Variants in MSH6 observed in about 807,000 individuals in gnomAD.
MSH6 encodes DNA mismatch repair protein Msh6.
MSH6 carries 85 observed loss-of-function variants against 119.1 expected under a neutral mutation model. That is an observed-to-expected ratio of 0.71 (90% CI 0.60 to 0.85). The LOEUF is 0.85. Among genes scored for constraint, MSH6 ranks in the 40% least tolerant of loss-of-function variants. The pLI, the probability that MSH6 is intolerant of heterozygous loss-of-function variation, is 0.00. For synonymous variants in MSH6, 830 were observed against 586.9 expected, an observed-to-expected ratio of 1.41 and a Z score of -5.99; for missense variants, 2,163 against 1,655.3, an observed-to-expected ratio of 1.31 and a Z score of -5.32.
chr2:47,808,594 A>G, downstream of MSH6: 4 of 522,570 alleles, frequency 7.7e-6, no homozygotes, highest in Non-Finnish European at 1.3e-5. Context: ...GGAGTAAGTG[A>G]TTTTCCTGTC....
intron 1 of MSH6, among the ~76,000 whole-genome samples, chr2:47,788,246 C>CTTTTTTTTTTTTTTTTT (rs560110301): frequency 1.1e-4 from 10 of 90,052 alleles, no homozygotes; most frequent in African/African-American, 2.4e-4. Context: ...TTCTTTCTTT[C>CTTTTTTTTTTTTTTTTT]TTTTTTTTTT....
In MSH6 at chr2:47,799,142, G is replaced by C. The variant is rs746532720; in HGVS notation, c.1159G>C (p.Asp387His). ...KRRDEHRRRP[D>H]HPDFDASTLY... ...AAGAGATGAGCACAGGAGGAGGCCT[G>C]ATCACCCCGATTTTGATGCATCTAC... The change falls in exon 4 of 10, where the codon GAT becomes CAT. Residue 387 changes from aspartate to histidine, a missense_variant. Transcript: ENST00000234420. 16 of 1,613,698 alleles carry C rather than the reference G, an allele frequency of 9.9e-6. No homozygotes were observed. The South Asian group carries it at 1.8e-4, about 18-fold the overall frequency.
rs748645037 is a variant in MSH6, at chr2:47,795,890, C to T, written c.458-4C>T. The T allele has an allele frequency of 6.2e-7, 1 of 1,613,388 alleles. No homozygotes were observed. On this transcript the variant is annotated splice_polypyrimidine_tract_variant and splice_region_variant and intron_variant, in intron 2 of 9. Coordinates refer to ENST00000234420, the MANE Select transcript of MSH6 (RefSeq NM_000179.3). ...TTATTGTTTATAAATACATTTCTTTCTAGGTTCAAAATCAAAGGAAGCCCA... is the reference window on the plus strand; with the variant it reads ...TTATTGTTTATAAATACATTTCTTTTTAGGTTCAAAATCAAAGGAAGCCCA...
chr2:47,801,368 T>TTTTTG lies in MSH6; in HGVS notation c.3172+217_3172+218insGTTTT, dbSNP rs1558384606. 8.6e-6 allele frequency: 4 copies of TTTTTG among 463,970 alleles called. No individual in the cohort carries two copies. In the African/African-American group the frequency reaches 9.6e-5, roughly 11 times the overall value. The allele number at this position is 463,970 out of a possible 1,614,324, so 28.7% of individuals were successfully genotyped here. On this transcript the variant is annotated intron_variant, in intron 4 of 9. Transcript: ENST00000234420. The stretch of plus-strand genomic sequence containing the variant: ...CCCTTTGGCCTTTCTTCAGTTTTTT[T>TTTTTG]TTTTTTTTTTTTTTTTTTGAGACAT...
In MSH6 at chr2:47,799,253, G is replaced by C. The variant is rs768299607; in HGVS notation, c.1270G>C (p.Val424Leu). The C allele has an allele frequency of 1.9e-6, 3 of 1,613,992 alleles. No individual in the cohort carries two copies. The African/African-American group carries it at 4.0e-5, about 22-fold the overall frequency. ...GATTAAGTCTCAGAACTTTGATCTT[G>C]TCATCTGTTACAAGGTGGGGAAATT... ...WQIKSQNFDL[V>L]ICYKVGKFYE... is the part of the protein sequence containing the mutation. Residue 424 changes from valine (V) to leucine (L), a missense_variant, in exon 4 of 10, where the codon GTC becomes CTC. Coordinates refer to ENST00000234420, the MANE Select transcript of MSH6 (RefSeq NM_000179.3).
chr2:47,790,338 C>T (rs1273473248), intron 1 of MSH6, among the ~76,000 whole-genome samples: 1 of 152,124 alleles, frequency 6.6e-6, no homozygotes, highest in African/African-American at 2.4e-5. Context: ...ACACAAGAAT[C>T]GCTTGAACCG....
chr2:47,803,226 A>G (rs373523935), intron 4 of MSH6, among the ~76,000 whole-genome samples, 194 bp from the exon 5 acceptor site: 5 of 151,996 alleles, frequency 3.3e-5, no homozygotes, highest in African/African-American at 9.7e-5. Context: ...CCTCTGCTCT[A>G]TCTTTTAGCT....
chr2:47,789,441 C>T (rs772162423), intron 1 of MSH6: 10 of 469,852 alleles, frequency 2.1e-5, no homozygotes, highest in Non-Finnish European at 3.9e-5. Flanking sequence ...CACATTTATC[C>T]TGTAAACAAA....
Position 47,783,413 on chromosome 2 carries a change from GGC to G in MSH6, c.185_186del (p.Arg62LeufsTer27), listed in dbSNP as rs775928689. ...AGGCTGGGCCTGGGCCCAGGCCCTTGGCGCGCTCCGCGTCACCGCCCAAGGCG... is the reference window on the plus strand; with the variant it reads ...AGGCTGGGCCTGGGCCCAGGCCCTTGGCGCTCCGCGTCACCGCCCAAGGCG... ...SEAGPGPRPL[A>X]RSASPPKAKN... On this transcript the variant is annotated frameshift_variant, in exon 1 of 10. Coordinates refer to ENST00000234420, the MANE Select transcript of MSH6 (RefSeq NM_000179.3). LOFTEE classifies it high-confidence loss of function. The G allele has an allele frequency of 6.6e-7, 1 of 1,523,156 alleles. No homozygotes were observed. Among genetic ancestry groups the G allele is most frequent in the Admixed American group, 2.3e-5 (1 of 44,432 alleles). The allele number at this position is 1,523,156 out of a possible 1,614,324, so 94.4% of individuals were successfully genotyped here. A position where few individuals can be genotyped will look rare whatever the true frequency, so the allele number is the denominator to read the frequency against.
chr2:47,783,335 C>T lies in MSH6; in HGVS notation c.102C>T (p.Ala34=), dbSNP rs201132087. ...GGGCCTCACGCGAAGGCGGCCGTGC[C>T]GCCGCTGCCCCCGGGGCCTCTCCTT... The part of the protein sequence containing the change: ...SARASREGGR[A]AAAPGASPSP... Residue 34 remains alanine, a synonymous_variant, in exon 1 of 10, where the codon GCC becomes GCT. Coordinates refer to ENST00000234420, the MANE Select transcript of MSH6 (RefSeq NM_000179.3). 5 of 1,610,550 alleles carry T rather than the reference C, an allele frequency of 3.1e-6. No individual in the cohort carries two copies. The highest frequency in any genetic ancestry group is 2.7e-5 in the African/African-American group (2 of 74,742).
rs1475759670 is a variant in MSH6, at chr2:47,796,031, C to T, written c.595C>T (p.Pro199Ser). The T allele has an allele frequency of 6.2e-7, 1 of 1,613,886 alleles. No homozygotes were observed. Among genetic ancestry groups the T allele is most frequent in the Non-Finnish European group, 8.5e-7 (1 of 1,180,002 alleles). The stretch of plus-strand genomic sequence containing the variant: ...GCTTGAATTGGCAGTTTGTGATGAG[C>T]CCTCAGAGCCAGAAGAGGAAGAAGA... ...KRLELAVCDE[P>S]SEPEEEEEME... The change falls in exon 3 of 10, where the codon CCC becomes TCC. Residue 199 changes from proline (P) to serine (S), a missense_variant. Transcript: ENST00000234420.
Position 47,798,613 on chromosome 2 carries a change from A to T in MSH6, c.630A>T (p.Val210=), listed in dbSNP as rs1553412038. 6.2e-7 allele frequency: 1 copy of T among 1,609,848 alleles called. No homozygotes were observed. The highest frequency in any genetic ancestry group is 8.5e-7 in the Non-Finnish European group (1 of 1,179,890). The part of the protein sequence containing the change: ...SEPEEEEEME[V]GTTYVTDKSE... ...AATACTCTTTCCTTGCCTGGCAGGT[A>T]GGCACAACTTACGTAACAGATAAGA... Residue 210 remains valine, a splice_region_variant and synonymous_variant, in exon 4 of 10, where the codon GTA becomes GTT. Coordinates refer to ENST00000234420, the MANE Select transcript of MSH6 (RefSeq NM_000179.3).
intron 2 of MSH6, among the ~76,000 whole-genome samples, chr2:47,793,637 TAAAATAATA>T (rs1668891704): frequency 6.7e-6 from 1 of 150,280 alleles, no homozygotes; most frequent in African/African-American, 2.4e-5. Context: ...ATAAATAAAA[TAAAATAATA>T]AATAAAGTAA....
At chr2:47,783,598 C>T (rs1668149813) in intron 1 of MSH6, 105 bp downstream of exon 1, 1 of 1,201,548 alleles carries the variant, frequency 8.3e-7, no homozygotes, top group Non-Finnish European at 1.1e-6. Flanking sequence ...CACGGCCTGG[C>T]CCTGGGCTCG....
At chr2:47,789,340 C>G in intron 1 of MSH6, 1 of 405,062 alleles carries the variant, frequency 2.5e-6, no homozygotes, top group Non-Finnish European at 5.0e-6. Context: ...GCTTATGTTT[C>G]TAATATTTTA....
intron 1 of MSH6, among the ~76,000 whole-genome samples, chr2:47,789,019 G>A (rs1431390309): frequency 2.2e-5 from 3 of 138,646 alleles, no homozygotes; most frequent in South Asian, 2.4e-4. Context: ...TCTGCTGCCC[G>A]GGTTCAAGTG....
intron 4 of MSH6, chr2:47,801,421 T>C (rs1669590751): frequency 5.6e-6 from 2 of 358,316 alleles, no homozygotes; most frequent in South Asian, 2.9e-5. Context: ...CAGGCTAGAA[T>C]ATGGTGACAC....
chr2:47,805,957 G>A (rs1413170607), intron 7 of MSH6, among the ~76,000 whole-genome samples: 1 of 152,154 alleles, frequency 6.6e-6, no homozygotes, highest in African/African-American at 2.4e-5. Context: ...CTACGGGGAT[G>A]AGAACACTAA....
At chr2:47,809,839 T>C, downstream of MSH6, 1 of 586,790 alleles carries the variant, frequency 1.7e-6, no homozygotes, top group Non-Finnish European at 3.0e-6. Context: ...CTGAATAAAA[T>C]GTAGATACCT....
Sources: allele counts gnomAD v4.1 joint callset (sites outside exome capture counted in the v4.1 genomes callset), GRCh38; gene constraint gnomAD v4.1.1; transcripts MANE v1.5; gene names NCBI Gene and HGNC (gene_info 2026-07-23, HGNC 2026-07-21).